Variants in FGF13 observed in about 807,000 individuals in gnomAD.
The protein encoded by FGF13 is fibroblast growth factor 13.
In FGF13, 2 loss-of-function variants were observed where a neutral mutation model predicts 19.5. That is an observed-to-expected ratio of 0.10 (90% CI 0.04 to 0.32). The LOEUF is 0.32. Among genes scored for constraint, FGF13 ranks in the 10% least tolerant of loss-of-function variants. The probability of loss-of-function intolerance (pLI) is 1.00; values close to 1 mark genes in which losing one functional copy is unlikely to be tolerated. For missense variants in FGF13, 113 were observed against 192.7 expected (o/e 0.59, Z 2.45); for synonymous variants, 72 against 76.9 (o/e 0.94, Z 0.33).
At chrX:139,023,890 C>T (rs774328226) in intron 1 of FGF13, among the ~76,000 whole-genome samples, 12 of 111,188 alleles carry the variant, frequency 1.1e-4, no homozygotes, top group Non-Finnish European at 1.7e-4. Context: ...GTGATTTTTT[C>T]TTTTATCTTT....
intron 1 of FGF13, among the ~76,000 whole-genome samples, chrX:138,922,654 T>C (rs929299127): frequency 8.9e-6 from 1 of 112,129 alleles, no homozygotes; most frequent in Non-Finnish European, 1.9e-5. Flanking sequence ...GTTGACTTCA[T>C]AGACATATAC....
intron 1 of FGF13, among the ~76,000 whole-genome samples, chrX:139,083,776 C>G (rs1422415122): frequency 1.8e-5 from 2 of 111,526 alleles, no homozygotes; most frequent in Non-Finnish European, 3.8e-5. Context: ...GAGGCTGAGG[C>G]AGGAGAACTG....
At chrX:139,006,370 C>G (rs2092101289) in intron 1 of FGF13, among the ~76,000 whole-genome samples, 1 of 111,329 alleles carries the variant, frequency 9.0e-6, no homozygotes, top group African/African-American at 3.3e-5. Flanking sequence ...TAAAAACTTT[C>G]CCAGACAAAC....
At chrX:138,984,202 G>C (rs1481795040) in intron 1 of FGF13, among the ~76,000 whole-genome samples, 3 of 110,794 alleles carry the variant, frequency 2.7e-5, no homozygotes, top group Non-Finnish European at 5.7e-5. Context: ...GAGCCCAGGA[G>C]TTTGAGATCA....
chrX:139,184,651 T>TAC lies in FGF13; in HGVS notation c.-113+18763_-113+18764dup, dbSNP rs762710461. On this transcript the variant is annotated intron_variant, in intron 1 of 2. Transcript: ENST00000421460. The stretch of plus-strand genomic sequence containing the variant: ...CCCTACACACACACACATACACACA[T>TAC]ACACACACACACACGAATGTAAGCC... Among the ~76,000 whole-genome samples, 272 of 110,355 alleles carry TAC rather than the reference T, an allele frequency of 2.5e-3. 1 individual carries two copies. Among genetic ancestry groups the TAC allele is most frequent in the Middle Eastern group, 4.7e-3 (1 of 211 alleles).
intron 1 of FGF13, among the ~76,000 whole-genome samples, chrX:138,997,558 C>A (rs751613212): frequency 5.9e-4 from 65 of 111,032 alleles, no homozygotes; most frequent in African/African-American, 2.0e-3. Context: ...ATGGTCGAAT[C>A]GATCAAGTGG....
At chrX:138,863,781 A>T (rs1279877978) in intron 2 of FGF13, among the ~76,000 whole-genome samples, 1 of 111,881 alleles carries the variant, frequency 8.9e-6, no homozygotes, top group Non-Finnish European at 1.9e-5. Context: ...GAAACTGTTG[A>T]GCAATGCACT....
intron 3 of FGF13, among the ~76,000 whole-genome samples, chrX:138,768,738 G>GATATAT (rs1207173971): frequency 1.4e-4 from 13 of 94,739 alleles, no homozygotes; most frequent in African/African-American, 4.6e-4. Context: ...ATATATATAT[G>GATATAT]ATATATATAT....
chrX:138,987,371 T>C (rs1379225601), intron 1 of FGF13, among the ~76,000 whole-genome samples: 1 of 112,031 alleles, frequency 8.9e-6, no homozygotes, highest in Non-Finnish European at 1.9e-5. Context: ...TTATTCTGAA[T>C]ACTCTGCCAG....
intron 3 of FGF13, among the ~76,000 whole-genome samples, chrX:138,650,227 C>T (rs1013708705): frequency 1.8e-5 from 2 of 112,242 alleles, no homozygotes; most frequent in Non-Finnish European, 1.9e-5. Context: ...ACTAGAATAA[C>T]CTGCTTGAGC....
intron 1 of FGF13, among the ~76,000 whole-genome samples, chrX:139,185,567 C>T (rs989379142): frequency 9.0e-6 from 1 of 111,253 alleles, no homozygotes; most frequent in African/African-American, 3.3e-5. Flanking sequence ...CCATAACAGC[C>T]GGAGTCCACC....
In FGF13 at chrX:138,622,673, A is replaced by C. The variant is rs1453520878; in HGVS notation, c.*10177T>G. 8.9e-6 allele frequency: 1 copy of C among 112,428 alleles called. No homozygotes were observed. Among genetic ancestry groups the C allele is most frequent in the African/African-American group, 3.2e-5 (1 of 31,035 alleles). 9.3% of individuals were successfully genotyped at this position (112,428 alleles called of 1,213,427 possible). On this transcript the variant is annotated 3_prime_UTR_variant, in exon 5 of 5. Transcript: ENST00000315930. The stretch of plus-strand genomic sequence containing the variant: ...GGAAGAAGTAAAATGGTCTGTTTCA[A>C]ATCACATGCTCTTCAATACAGAAAC...
intron 1 of FGF13, among the ~76,000 whole-genome samples, chrX:139,064,231 G>C (rs1023144311): frequency 1.3e-5 from 1 of 76,808 alleles, no homozygotes; most frequent in African/African-American, 4.5e-5. Flanking sequence ...CTGTCATTAT[G>C]TTTTAGTAAT....
At chrX:138,946,118 G>A (rs2091780717) in intron 1 of FGF13, among the ~76,000 whole-genome samples, 1 of 111,721 alleles carries the variant, frequency 9.0e-6, no homozygotes, top group Non-Finnish European at 1.9e-5. Flanking sequence ...CCAAGCCTCA[G>A]TTTCCCTATT....
intron 1 of FGF13, among the ~76,000 whole-genome samples, chrX:138,942,808 T>A (rs191006752): frequency 2.0e-3 from 221 of 111,933 alleles, no homozygotes; most frequent in African/African-American, 6.8e-3. Context: ...ATTCTCATTA[T>A]GCCGACTCCT....
chrX:139,141,796 C>G (rs897031181), intron 1 of FGF13, among the ~76,000 whole-genome samples: 1 of 112,247 alleles, frequency 8.9e-6, no homozygotes, highest in African/African-American at 3.2e-5. Flanking sequence ...AACATGGAGA[C>G]CATATATATT....
At chrX:139,005,998 TAGG>T (rs1355591437) in intron 1 of FGF13, among the ~76,000 whole-genome samples, 2 of 110,109 alleles carry the variant, frequency 1.8e-5, no homozygotes, top group African/African-American at 3.3e-5. Context: ...GAGAAAGAAA[TAGG>T]AGTAGAAAGT....
intron 1 of FGF13, among the ~76,000 whole-genome samples, chrX:139,153,910 T>G (rs1208541305): frequency 9.0e-6 from 1 of 110,882 alleles, no homozygotes; most frequent in African/African-American, 3.3e-5. Flanking sequence ...CAAAGATTGT[T>G]AGCAACCAGC....
chrX:139,088,203 T>C (rs914470802), intron 1 of FGF13, among the ~76,000 whole-genome samples: 1 of 112,117 alleles, frequency 8.9e-6, no homozygotes, highest in African/African-American at 3.2e-5. Flanking sequence ...TTTGAATCTG[T>C]ATCCCAGCCT....
Sources: allele counts gnomAD v4.1 joint callset (sites outside exome capture counted in the v4.1 genomes callset), GRCh38; gene constraint gnomAD v4.1.1; transcripts MANE v1.5; gene names NCBI Gene and HGNC (gene_info 2026-07-23, HGNC 2026-07-21).